The following FUT8 variants were observed in gnomAD, a reference collection of about 807,000 sequenced individuals.
FUT8 encodes the protein alpha-(1,6)-fucosyltransferase.
A neutral mutation model predicts 71.3 loss-of-function variants in FUT8; 29 were observed. That is an observed-to-expected ratio of 0.41 (90% CI 0.30 to 0.55). The LOEUF is 0.55. Ranked by LOEUF, FUT8 falls within the 20% of genes least tolerant of loss-of-function variation. The pLI, the probability that FUT8 is intolerant of heterozygous loss-of-function variation, is 0.34. For synonymous variants in FUT8, 254 were observed against 239.3 expected (o/e 1.06, Z -0.57); for missense variants, 544 against 702.1 (o/e 0.77, Z 2.55).
intron 3 of FUT8, among the ~76,000 whole-genome samples, chr14:65,567,650 C>G (rs2140067464): frequency 6.6e-6 from 1 of 151,956 alleles, no homozygotes; most frequent in African/African-American, 2.4e-5. Flanking sequence ...CTTTTTCAAT[C>G]TTGTATCCAT....
chr14:65,613,056 T>TC (rs1214349404), intron 3 of FUT8, among the ~76,000 whole-genome samples: 1 of 152,094 alleles, frequency 6.6e-6, no homozygotes, highest in African/African-American at 2.4e-5. Context: ...GTTTTTTTTT[T>TC]CACAGTTGGA....
intron 2 of FUT8, among the ~76,000 whole-genome samples, chr14:65,463,983 C>G (rs2066003539): frequency 6.6e-6 from 1 of 152,204 alleles, no homozygotes; most frequent in African/African-American, 2.4e-5. Context: ...GCTCCCCCAG[C>G]CACCCCTGCA....
At chr14:65,542,746 A>G (rs1312553115) in intron 2 of FUT8, among the ~76,000 whole-genome samples, 1 of 152,126 alleles carries the variant, frequency 6.6e-6, no homozygotes. Flanking sequence ...AAAGATTGTT[A>G]ATGTTTATTC....
At chr14:65,720,289 T>A (rs1368138742) in intron 7 of FUT8, among the ~76,000 whole-genome samples, 3 of 152,176 alleles carry the variant, frequency 2.0e-5, no homozygotes, top group African/African-American at 7.2e-5. Context: ...CGGTTCATGT[T>A]CACTTAAGGC....
chr14:65,518,289 T>A (rs1160447446), intron 2 of FUT8, among the ~76,000 whole-genome samples: 2 of 152,196 alleles, frequency 1.3e-5, no homozygotes, highest in African/African-American at 4.8e-5. Context: ...AAAACACAGC[T>A]AAGCAGAGCT....
At chr14:65,444,585 T>TCC (rs1444640823) in intron 1 of FUT8, among the ~76,000 whole-genome samples, 1 of 152,208 alleles carries the variant, frequency 6.6e-6, no homozygotes, top group Non-Finnish European at 1.5e-5. Flanking sequence ...TGGTACATCA[T>TCC]ACAATGGATG....
In FUT8 at chr14:65,606,807, C is replaced by T. The variant is rs568609728; in HGVS notation, c.204-9171C>T. 3.1e-4 allele frequency among the ~76,000 whole-genome samples: 47 copies of T among 151,818 alleles called. 2 individuals carry two copies. The South Asian group carries it at 9.8e-3, about 32-fold the overall frequency. ...CTTTTTCATAAGTATTTTAGGATCA[C>T]TTTGCTAAATTTAATTAAAAAATCC... On this transcript the variant is annotated intron_variant, in intron 3 of 10. Coordinates refer to ENST00000673929, the MANE Select transcript of FUT8 (RefSeq NM_001371533.1).
intron 2 of FUT8, among the ~76,000 whole-genome samples, chr14:65,518,410 C>A (rs1184913223): frequency 6.6e-6 from 1 of 152,062 alleles, no homozygotes; most frequent in Non-Finnish European, 1.5e-5. Context: ...GTAGGGTGTC[C>A]TGGCCCTAAA....
intron 2 of FUT8, among the ~76,000 whole-genome samples, chr14:65,476,802 C>T (rs2066253102): frequency 6.6e-6 from 1 of 152,014 alleles, no homozygotes; most frequent in Non-Finnish European, 1.5e-5. Flanking sequence ...CCCAGTAATA[C>T]TGAGATCTTG....
At chr14:65,498,513 T>C (rs1001184824) in intron 2 of FUT8, among the ~76,000 whole-genome samples, 7 of 152,192 alleles carry the variant, frequency 4.6e-5, no homozygotes, top group African/African-American at 1.7e-4. Context: ...TGCTTTTTTT[T>C]TGGAATGTGC....
rs1390216668 is a variant in FUT8 at position 65,743,291 on chromosome 14, A to G, written c.*881A>G. 6.6e-6 allele frequency: 1 copy of G among 151,840 alleles called. No homozygotes were observed. Among genetic ancestry groups the G allele is most frequent in the East Asian group, 1.9e-4 (1 of 5,156 alleles). The allele number at this position is 151,840 out of a possible 1,614,324, so 9.4% of individuals were successfully genotyped here. On this transcript the variant is annotated 3_prime_UTR_variant, in exon 11 of 11. Transcript: ENST00000673929. ...TTTCTGATATAGTAACTAATTCTTA[A>G]CTCAGAGACATTGGTCCATTTTAAT... is the stretch of plus-strand genomic sequence containing the variant.
chr14:65,624,473 A>G (rs1164153016), intron 5 of FUT8, among the ~76,000 whole-genome samples: 1 of 152,218 alleles, frequency 6.6e-6, no homozygotes, highest in Non-Finnish European at 1.5e-5. Flanking sequence ...TGGTAAAGGA[A>G]TGTCTTGATT....
intron 1 of FUT8, among the ~76,000 whole-genome samples, chr14:65,418,269 ATCTG>A (rs1028966513): frequency 2.2e-4 from 34 of 152,340 alleles, no homozygotes; most frequent in African/African-American, 6.0e-4. Flanking sequence ...GAACCTGTGT[ATCTG>A]TCTAAGTCTT....
chr14:65,402,189 G>A, the FUT8 span, among the ~76,000 whole-genome samples: 2 of 140,564 alleles, frequency 1.4e-5, no homozygotes, highest in Non-Finnish European at 3.0e-5. Flanking sequence ...CCAAAAGATG[G>A]AGTGTGATTT....
At chr14:65,356,865 C>T in the FUT8 span, among the ~76,000 whole-genome samples, 1 of 152,218 alleles carries the variant, frequency 6.6e-6, no homozygotes, top group Admixed American at 6.5e-5. The surrounding 1 kb of genome is among the most constrained non-coding windows in gnomAD (Gnocchi z 4.6). Flanking sequence ...GGTACTGGAA[C>T]ACCGGCTCAC....
At chr14:65,635,366 A>G (rs1566866469) in intron 6 of FUT8, among the ~76,000 whole-genome samples, 1 of 152,178 alleles carries the variant, frequency 6.6e-6, no homozygotes, top group Non-Finnish European at 1.5e-5. Context: ...TAGGACTTCC[A>G]GTACTGTGCC....
rs1566851015 is a variant in FUT8 at position 65,611,212 on chromosome 14, CG to C, written c.204-4765del. 7.0e-3 allele frequency among the ~76,000 whole-genome samples: 51 copies of C among 7,284 alleles called. 6 individuals carry two copies. The highest frequency in any genetic ancestry group is 0.031 in the Non-Finnish European group (45 of 1,468). The allele number at this position is 7,284 out of a possible 152,430, so 4.8% of individuals were successfully genotyped here. ...ACACACACACACGCGCGCGCGCGCG[CG>C]CGCGCGCGCGCACACACACACACAC... On this transcript the variant is annotated intron_variant, in intron 3 of 10. Coordinates refer to ENST00000673929, the MANE Select transcript of FUT8 (RefSeq NM_001371533.1).
chr14:65,468,350 C>G, intron 2 of FUT8: 1 of 555,822 alleles, frequency 1.8e-6, no homozygotes, highest in South Asian at 1.6e-5. Flanking sequence ...GTCCTTTTGG[C>G]GAATTACTGG....
chr14:65,466,250 CT>C (rs1189166246), intron 2 of FUT8, among the ~76,000 whole-genome samples: 1 of 152,130 alleles, frequency 6.6e-6, no homozygotes, highest in Non-Finnish European at 1.5e-5. Flanking sequence ...TGTCTTTTAA[CT>C]GGTGTATTTA....
Sources: allele counts gnomAD v4.1 joint callset (sites outside exome capture counted in the v4.1 genomes callset), GRCh38; gene constraint gnomAD v4.1.1; non-coding constraint Gnocchi (gnomAD v3.1); transcripts MANE v1.5; gene names NCBI Gene and HGNC (gene_info 2026-07-23, HGNC 2026-07-21).